The following DPYSL5 variants were observed in gnomAD, a reference collection of about 807,000 sequenced individuals.
DPYSL5 encodes dihydropyrimidinase-related protein 5.
DPYSL5 carries 9 observed loss-of-function variants against 58.4 expected under a neutral mutation model. That is an observed-to-expected ratio of 0.15 (90% CI 0.09 to 0.27). The LOEUF (loss-of-function observed/expected upper bound fraction) is 0.27. Among genes scored for constraint, DPYSL5 ranks in the 10% least tolerant of loss-of-function variants. The pLI, the probability that DPYSL5 is intolerant of heterozygous loss-of-function variation, is 1.00. For synonymous variants in DPYSL5, 293 were observed against 301.9 expected (o/e 0.97, Z 0.31); for missense variants, 499 against 770.6 (o/e 0.65, Z 4.17).
chr2:26,909,036 A>C (rs1194361390), intron 2 of DPYSL5, among the ~76,000 whole-genome samples: 1 of 152,168 alleles, frequency 6.6e-6, no homozygotes. Flanking sequence ...TTTGTGTTGA[A>C]AATAAGGGAC....
chr2:26,851,167 C>A (rs1381242444), intron 1 of DPYSL5, among the ~76,000 whole-genome samples: 1 of 152,084 alleles, frequency 6.6e-6, no homozygotes, highest in African/African-American at 2.4e-5. Context: ...CATATTATTA[C>A]CCAAAGGGAA....
At position 26,944,258 on chromosome 2, in the gene DPYSL5, A is replaced by G. The variant is rs1443278935; in HGVS notation, c.1441-398A>G. Among the ~76,000 whole-genome samples the G allele has an allele frequency of 6.6e-6, 1 of 152,114 alleles. No individual in the cohort carries two copies. The highest frequency in any genetic ancestry group is 2.4e-5 in the African/African-American group (1 of 41,438). On this transcript the variant is annotated intron_variant, in intron 11 of 12. Transcript: ENST00000288699. This position sits in a 1 kb window ranked among gnomAD's most constrained non-coding sequence, Gnocchi z 4.4. Reference sequence around the variant, plus strand: ...CAAGATCGCACCACTGCACTCCAGCATGGGCGACAGAGTGAGACTCTGTCT... The same window carrying G: ...CAAGATCGCACCACTGCACTCCAGCGTGGGCGACAGAGTGAGACTCTGTCT...
chr2:26,874,238 C>T (rs1200804775), intron 1 of DPYSL5, among the ~76,000 whole-genome samples: 1 of 152,158 alleles, frequency 6.6e-6, no homozygotes, highest in Admixed American at 6.5e-5. Flanking sequence ...ATTTTCTTAA[C>T]AGGATCTTAT....
At chr2:26,911,017 C>T (rs939375203) in intron 2 of DPYSL5, among the ~76,000 whole-genome samples, 2 of 149,550 alleles carry the variant, frequency 1.3e-5, no homozygotes, top group East Asian at 2.0e-4. Flanking sequence ...TTAGCTTTTA[C>T]AGTTCAGTCT....
At chr2:26,902,153 A>T (rs1404062813) in intron 2 of DPYSL5, among the ~76,000 whole-genome samples, 1 of 152,152 alleles carries the variant, frequency 6.6e-6, no homozygotes, top group Non-Finnish European at 1.5e-5. Context: ...AAAGGAGGTT[A>T]TCTCCGTGGG....
chr2:26,931,666 T>C lies in DPYSL5; in HGVS notation c.696T>C (p.Val232=), dbSNP rs755044882. 6.2e-7 allele frequency: 1 copy of C among 1,613,996 alleles called. No homozygotes were observed. Among genetic ancestry groups the C allele is most frequent in the Admixed American group, 1.7e-5 (1 of 60,008 alleles). The change falls in exon 6 of 13, where the codon GTT becomes GTC. Residue 232 remains valine, a synonymous_variant. Coordinates refer to ENST00000288699, the MANE Select transcript of DPYSL5 (RefSeq NM_020134.4). The part of the protein sequence containing the change: ...EELEAEATHR[V]ITIANRTHCP... ...TGGAAGCTGAAGCCACTCATCGTGT[T>C]ATCACCATTGCAAACAGGGTAAGTC...
intron 2 of DPYSL5, among the ~76,000 whole-genome samples, chr2:26,918,647 A>C (rs9309559): frequency 0.39 from 59,651 of 152,038 alleles, 12,112 homozygotes; most frequent in Admixed American, 0.54. Flanking sequence ...TGTGCTTACC[A>C]GTTTACAGAG....
chr2:26,904,079 G>T (rs1213143978), intron 2 of DPYSL5, among the ~76,000 whole-genome samples: 1 of 152,204 alleles, frequency 6.6e-6, no homozygotes, highest in African/African-American at 2.4e-5. Flanking sequence ...AAGAGTGCTT[G>T]TGCAGCATGG....
intron 1 of DPYSL5, among the ~76,000 whole-genome samples, chr2:26,884,956 T>A (rs2148127029): frequency 6.6e-6 from 1 of 152,270 alleles, no homozygotes; most frequent in East Asian, 1.9e-4. Context: ...CCCAGCACTT[T>A]GGGAGGCTGA....
At chr2:26,914,148 A>AAAGAAG (rs1664506985) in intron 2 of DPYSL5, among the ~76,000 whole-genome samples, 1 of 152,144 alleles carries the variant, frequency 6.6e-6, no homozygotes, top group Non-Finnish European at 1.5e-5. Flanking sequence ...TACGGAGTAA[A>AAAGAAG]AATACCTGGA....
intron 1 of DPYSL5, among the ~76,000 whole-genome samples, chr2:26,850,895 G>A (rs1665733330): frequency 6.6e-6 from 1 of 152,142 alleles, no homozygotes; most frequent in Non-Finnish European, 1.5e-5. Context: ...GATCTGGAAG[G>A]ACTAGCTGGA....
In DPYSL5 at chr2:26,849,166, C is replaced by T. The variant is rs925657565; in HGVS notation, c.-5+912C>T. On this transcript the variant is annotated intron_variant, in intron 1 of 12. Coordinates refer to ENST00000288699, the MANE Select transcript of DPYSL5 (RefSeq NM_020134.4). This position sits in a 1 kb window ranked among gnomAD's most constrained non-coding sequence, Gnocchi z 6.2. Reference sequence around the variant, plus strand: ...AAGGGGCGGGGGCGGGTCCGAAGAACGAGGGAAGGAGCTCGGTGCAGGTGG... The same window carrying T: ...AAGGGGCGGGGGCGGGTCCGAAGAATGAGGGAAGGAGCTCGGTGCAGGTGG... 6.6e-6 allele frequency among the ~76,000 whole-genome samples: 1 copy of T among 150,402 alleles called. No homozygotes were observed. Among genetic ancestry groups the T allele is most frequent in the African/African-American group, 2.5e-5 (1 of 40,754 alleles).
rs1470345412 is a variant in DPYSL5, at chr2:26,927,296, A to G, written c.464A>G (p.Asn155Ser). 13 of 1,614,028 alleles carry G rather than the reference A, an allele frequency of 8.1e-6. No homozygotes were observed. Among genetic ancestry groups the G allele is most frequent in the East Asian group, 4.5e-5 (2 of 44,884 alleles). Reference protein sequence around the residue: ...METLVREKGVNSFQMFMTYKD... With the variant: ...METLVREKGVSSFQMFMTYKD... ...ACACTGGTGAGGGAGAAGGGTGTCA[A>G]CTCGTTCCAGATGTTCATGACCTAC... Residue 155 changes from asparagine (N) to serine (S), a missense_variant, in exon 4 of 13, where the codon AAC becomes AGC. Physicochemically the swap from Asn to Ser is conservative, Grantham distance 46. Coordinates refer to ENST00000288699, the MANE Select transcript of DPYSL5 (RefSeq NM_020134.4). This position sits in a 1 kb window ranked among gnomAD's most constrained non-coding sequence, Gnocchi z 4.3.
At chr2:26,904,809 G>C (rs1664248508) in intron 2 of DPYSL5, among the ~76,000 whole-genome samples, 1 of 152,192 alleles carries the variant, frequency 6.6e-6, no homozygotes, top group Non-Finnish European at 1.5e-5. Flanking sequence ...AGGCTGAGTG[G>C]GGAGGATCAT....
At chr2:26,917,599 G>A (rs1664599233) in intron 2 of DPYSL5, among the ~76,000 whole-genome samples, 1 of 152,112 alleles carries the variant, frequency 6.6e-6, no homozygotes, top group Non-Finnish European at 1.5e-5. Flanking sequence ...GCCTGGAAGG[G>A]GATCATCAGA....
rs147554684 is a variant in DPYSL5 at position 26,915,048 on chromosome 2, A to G, written c.262-9839A>G. Among the ~76,000 whole-genome samples, 792 of 152,042 alleles carry G rather than the reference A, an allele frequency of 5.2e-3. 11 individuals carry two copies. The highest frequency in any genetic ancestry group is 0.018 in the African/African-American group (761 of 41,442). On this transcript the variant is annotated intron_variant, in intron 2 of 12. Transcript: ENST00000288699. ...CTGTGGCCTCTCAGGGTCCTATTCC[A>G]GAGTGTCTCTTCCTCTTACCCACCC...
intron 1 of DPYSL5, among the ~76,000 whole-genome samples, chr2:26,858,645 C>T (rs1488050333): frequency 1.3e-5 from 2 of 151,520 alleles, no homozygotes; most frequent in Non-Finnish European, 2.9e-5. Flanking sequence ...ATTGGGGCAG[C>T]CTCGATTTCC....
intron 1 of DPYSL5, among the ~76,000 whole-genome samples, chr2:26,854,803 CT>C (rs1665838510): frequency 2.6e-5 from 4 of 151,392 alleles, no homozygotes; most frequent in Admixed American, 1.3e-4. Context: ...AATTTTTTTT[CT>C]TTTTCTTTTT....
chr2:26,894,638 C>T (rs373822305), intron 1 of DPYSL5, among the ~76,000 whole-genome samples: 11 of 152,324 alleles, frequency 7.2e-5, no homozygotes, highest in African/African-American at 2.4e-4. Flanking sequence ...ATCTCTTAGA[C>T]CTTTAATCTC....
Sources: gnomAD v4.1 joint callset for allele counts (sites outside exome capture counted in the v4.1 genomes callset) on GRCh38, gnomAD v4.1.1 for gene constraint, Gnocchi (gnomAD v3.1) non-coding constraint, MANE v1.5 for transcripts, NCBI Gene and HGNC (gene_info 2026-07-23, HGNC 2026-07-21) for gene names.